Variants in SCN9A observed in about 807,000 individuals in gnomAD.
SCN9A encodes sodium voltage-gated channel alpha subunit 9, also known as sodium channel protein type 9 subunit alpha.
In SCN9A, 131 loss-of-function variants were observed where a neutral mutation model predicts 187.0. The observed-to-expected ratio is 0.70, with a 90% CI of 0.61 to 0.81. The LOEUF (loss-of-function observed/expected upper bound fraction) is 0.81, where lower values mean the gene tolerates loss of function less well. Among genes scored for constraint, SCN9A ranks in the 30% least tolerant of loss-of-function variants. The probability of loss-of-function intolerance (pLI) is 0.00; values close to 1 mark genes in which losing one functional copy is unlikely to be tolerated. For missense variants in SCN9A, 2,252 were observed against 2,396.6 expected (o/e 0.94, Z 1.26); for synonymous variants, 809 against 808.6 (o/e 1.00, Z -0.01).
chr2:166,238,039 T>A (rs1695397498), intron 20 of SCN9A, 55 bp downstream of exon 20: 2 of 1,358,528 alleles, frequency 1.5e-6, no homozygotes, highest in African/African-American at 2.9e-5. Context: ...GAAGGTTTTT[T>A]CACAACACAC....
intron 1 of SCN9A, among the ~76,000 whole-genome samples, chr2:166,349,671 G>C (rs1382169242): frequency 6.6e-6 from 1 of 152,076 alleles, no homozygotes; most frequent in Non-Finnish European, 1.5e-5. Context: ...TAGAGTTGCC[G>C]TGTATATAAC....
At position 166,311,731 on chromosome 2, in the gene SCN9A, G is replaced by A. The variant is rs1698968936; in HGVS notation, c.26C>T (p.Pro9Leu). The change falls in exon 2 of 27, where the codon CCT becomes CTT. Residue 9 changes from proline to leucine, a missense_variant. Physicochemically the swap from Pro to Leu is moderately conservative, Grantham distance 98 (BLOSUM62 -3). Transcript: ENST00000642356. MAMLPPPG[P>L]QSFVHFTKQS... ...TTTTGTGAAATGGACAAAGCTCTGAGGTCCTGGGGGAGGCAACATTGCCAT... is the reference window on the plus strand; with the variant it reads ...TTTTGTGAAATGGACAAAGCTCTGAAGTCCTGGGGGAGGCAACATTGCCAT... The A allele has an allele frequency of 6.2e-7, 1 of 1,605,866 alleles. No individual in the cohort carries two copies. The highest frequency in any genetic ancestry group is 2.2e-5 in the East Asian group (1 of 44,772).
chr2:166,356,382 G>T (rs1700152256), intron 1 of SCN9A, among the ~76,000 whole-genome samples: 1 of 151,884 alleles, frequency 6.6e-6, no homozygotes, highest in South Asian at 2.1e-4. Context: ...TATTTTAGAG[G>T]AACTATTATT....
intron 7 of SCN9A, among the ~76,000 whole-genome samples, chr2:166,295,060 G>A (rs558024025): frequency 4.9e-4 from 74 of 152,276 alleles, no homozygotes; most frequent in South Asian, 2.7e-3. Context: ...GTCTTTCTAA[G>A]GAGATGATAT....
intron 21 of SCN9A, among the ~76,000 whole-genome samples, chr2:166,232,988 A>G (rs1303359993): frequency 6.8e-6 from 1 of 147,278 alleles, no homozygotes; most frequent in Non-Finnish European, 1.5e-5. Flanking sequence ...TAGTATTTAT[A>G]TATTAGTATG....
intron 18 of SCN9A, among the ~76,000 whole-genome samples, chr2:166,246,517 C>G (rs1695795751): frequency 6.6e-6 from 1 of 151,748 alleles, no homozygotes; most frequent in African/African-American, 2.4e-5. Flanking sequence ...AAAATTAACT[C>G]TAAGTTAATC....
rs78334485 is a variant in SCN9A at position 166,320,295 on chromosome 2, T to C, written c.-50-8489A>G. On this transcript the variant is annotated intron_variant, in intron 1 of 26. Coordinates refer to ENST00000642356, the MANE Select transcript of SCN9A (RefSeq NM_001365536.1). ...TAAAAAGCTGTAAAATAAAAGAAGA[T>C]ATTATACCTCTCTCTTGAGCCAAAG... Among the ~76,000 whole-genome samples, 71 of 152,250 alleles carry C rather than the reference T, an allele frequency of 4.7e-4. No homozygotes were observed. The East Asian group carries it at 9.6e-3, about 21-fold the overall frequency.
At chr2:166,362,470 G>A (rs141530060) in intron 1 of SCN9A, among the ~76,000 whole-genome samples, 18 of 152,048 alleles carry the variant, frequency 1.2e-4, no homozygotes, top group East Asian at 7.7e-4. Flanking sequence ...TGAATTAAAT[G>A]TGTGATAGTA....
intron 1 of SCN9A, among the ~76,000 whole-genome samples, chr2:166,370,144 C>T (rs1044520793): frequency 1.3e-5 from 2 of 150,344 alleles, no homozygotes; most frequent in African/African-American, 2.4e-5. Context: ...GTAGGAGCAA[C>T]TAGTAAAAGT....
chr2:166,327,827 C>G (rs1449186400), intron 1 of SCN9A, among the ~76,000 whole-genome samples: 6 of 152,208 alleles, frequency 3.9e-5, no homozygotes, highest in Non-Finnish European at 8.8e-5. Context: ...AAAAGACTAG[C>G]ATGAGCCAGG....
rs375828071 is a variant in SCN9A at position 166,371,799 on chromosome 2, T to C, written c.-51+3898A>G. Among the ~76,000 whole-genome samples the C allele has an allele frequency of 5.9e-4, 90 of 152,290 alleles. 1 individual carries two copies. The East Asian group carries it at 0.012, about 21-fold the overall frequency. ...ATCTTCAATTAGTACACAGATGCCCTCCAATACAACATCCACAATATGTCC... is the reference window on the plus strand; with the variant it reads ...ATCTTCAATTAGTACACAGATGCCCCCCAATACAACATCCACAATATGTCC... On this transcript the variant is annotated intron_variant, in intron 1 of 26. Transcript: ENST00000642356.
intron 17 of SCN9A, among the ~76,000 whole-genome samples, chr2:166,264,290 C>A (rs930474315): frequency 2.0e-5 from 3 of 151,856 alleles, no homozygotes; most frequent in African/African-American, 7.3e-5. Context: ...GGTAAAAAAG[C>A]CTGTGTAGTG....
At position 166,327,074 on chromosome 2, in the gene SCN9A, C is replaced by T. The variant is rs1444485788; in HGVS notation, c.-50-15268G>A. Among the ~76,000 whole-genome samples, 2 of 152,086 alleles carry T rather than the reference C, an allele frequency of 1.3e-5. 1 individual carries two copies. The highest frequency in any genetic ancestry group is 2.9e-5 in the Non-Finnish European group (2 of 68,008). Reference sequence around the variant, plus strand: ...TCTGTCTTATTTTGATAAAAATAAACACAATATTTAATATTGCGTTTATAC... The same window carrying T: ...TCTGTCTTATTTTGATAAAAATAAATACAATATTTAATATTGCGTTTATAC... On this transcript the variant is annotated intron_variant, in intron 1 of 26. Transcript: ENST00000642356.
rs1487039220 is a variant in SCN9A, at chr2:166,342,843, G to A, written c.-50-31037C>T. Among the ~76,000 whole-genome samples, 3 of 152,226 alleles carry A rather than the reference G, an allele frequency of 2.0e-5. No homozygotes were observed. In the East Asian group the frequency reaches 5.8e-4, roughly 29 times the overall value. ...CTCTTCCAGCATTGTTCTTAGGTGTGCATATTCAACTTTGGAAACCACAGA... is the reference window on the plus strand; with the variant it reads ...CTCTTCCAGCATTGTTCTTAGGTGTACATATTCAACTTTGGAAACCACAGA... On this transcript the variant is annotated intron_variant, in intron 1 of 26. Coordinates refer to ENST00000642356, the MANE Select transcript of SCN9A (RefSeq NM_001365536.1).
chr2:166,365,468 A>C (rs1263024318), intron 1 of SCN9A, among the ~76,000 whole-genome samples: 1 of 152,216 alleles, frequency 6.6e-6, no homozygotes, highest in Non-Finnish European at 1.5e-5. Flanking sequence ...TGGTAATTTT[A>C]GCATTGGTTT....
chr2:166,235,788 C>T (rs998835186), intron 20 of SCN9A, among the ~76,000 whole-genome samples: 3 of 151,902 alleles, frequency 2.0e-5, no homozygotes, highest in African/African-American at 4.8e-5. Flanking sequence ...TATATTTGTT[C>T]GTTTCCAAAA....
At chr2:166,288,366 T>C in intron 10 of SCN9A, 71 bp downstream of exon 10, 2 of 1,197,948 alleles carry the variant, frequency 1.7e-6, no homozygotes, top group Non-Finnish European at 2.4e-6. Context: ...GCCAAGCATA[T>C]ACCGCAGAGC....
At chr2:166,246,191 GT>G (rs1695780980) in intron 18 of SCN9A, among the ~76,000 whole-genome samples, 1 of 151,698 alleles carries the variant, frequency 6.6e-6, no homozygotes, top group Non-Finnish European at 1.5e-5. Context: ...GGCTTAATAG[GT>G]CATTTATAGT....
Position 166,324,166 on chromosome 2 carries a change from G to A in SCN9A, c.-50-12360C>T, listed in dbSNP as rs890517333. ...ACAATTAGCCAGGTGTGGTGTGGGC[G>A]CCTGCAATCTCAGCTACTCAGGAGG... is the stretch of plus-strand genomic sequence containing the variant. On this transcript the variant is annotated intron_variant, in intron 1 of 26. Transcript: ENST00000642356. Among the ~76,000 whole-genome samples, 8 of 151,848 alleles carry A rather than the reference G, an allele frequency of 5.3e-5. No homozygotes were observed. In the South Asian group the frequency reaches 1.7e-3, roughly 32 times the overall value.
Sources: allele counts gnomAD v4.1 joint callset (sites outside exome capture counted in the v4.1 genomes callset), GRCh38; gene constraint gnomAD v4.1.1; transcripts MANE v1.5; gene names NCBI Gene and HGNC (gene_info 2026-07-23, HGNC 2026-07-21).